The following SLC33A1 variants were observed in gnomAD, a reference collection of about 807,000 sequenced individuals.
SLC33A1 encodes the protein acetyl-coenzyme A transporter 1.
SLC33A1 carries 20 observed loss-of-function variants against 50.0 expected under a neutral mutation model. That is an observed-to-expected ratio of 0.40 (90% CI 0.28 to 0.58). SLC33A1 has a LOEUF of 0.58. Among genes scored for constraint, SLC33A1 ranks in the 20% least tolerant of loss-of-function variants. SLC33A1 has a pLI of 0.44. For missense variants in SLC33A1, 476 were observed against 657.0 expected, an observed-to-expected ratio of 0.72 and a Z score of 3.01; for synonymous variants, 265 against 251.8, an observed-to-expected ratio of 1.05 and a Z score of -0.50.
chr3:155,841,897 G>T (rs923994296), intron 2 of SLC33A1, among the ~76,000 whole-genome samples: 1 of 151,972 alleles, frequency 6.6e-6, no homozygotes, highest in East Asian at 1.9e-4. Context: ...AAAGGCACGT[G>T]CCACCATGAC....
At chr3:155,844,631 C>T (rs1753094992) in intron 1 of SLC33A1, 1 of 151,276 alleles carries the variant, frequency 6.6e-6, no homozygotes, top group Non-Finnish European at 1.5e-5. Context: ...CTTTACCCAG[C>T]TAATTTTTGT....
chr3:155,850,637 G>C (rs1753359919), intron 1 of SLC33A1, among the ~76,000 whole-genome samples: 1 of 148,534 alleles, frequency 6.7e-6, no homozygotes, highest in South Asian at 2.1e-4. Flanking sequence ...TTTTTTTTGA[G>C]ATGGAGCCTT....
intron 1 of SLC33A1, among the ~76,000 whole-genome samples, chr3:155,843,679 G>A (rs2107984496): frequency 6.8e-6 from 1 of 148,096 alleles, no homozygotes; most frequent in Admixed American, 6.6e-5. Flanking sequence ...TACTTCTACA[G>A]CCCAATAGAT....
Position 155,833,763 on chromosome 3 carries a change from CATATAT to C in SLC33A1, c.1148+88_1148+93del, listed in dbSNP as rs1353686388. ...AAAAGATGCTTTTCAAATCTTTTTC[CATATAT>C]ATAATTCTACGCTCAGATATTAGTG... is the stretch of plus-strand genomic sequence containing the variant. On this transcript the variant is annotated intron_variant, in intron 3 of 5. Coordinates refer to ENST00000643144, the MANE Select transcript of SLC33A1 (RefSeq NM_004733.4). The C allele has an allele frequency of 2.9e-5, 32 of 1,099,286 alleles. No individual in the cohort carries two copies. The Middle Eastern group carries it at 1.6e-3, about 54-fold the overall frequency. 68.1% of individuals were successfully genotyped at this position (1,099,286 alleles called of 1,614,324 possible). A position where few individuals can be genotyped will look rare whatever the true frequency, so the allele number is the denominator to read the frequency against.
chr3:155,849,889 C>T (rs1030606365), intron 1 of SLC33A1, among the ~76,000 whole-genome samples: 3 of 144,904 alleles, frequency 2.1e-5, no homozygotes, highest in Non-Finnish European at 4.5e-5. Context: ...CCCTGGGCGA[C>T]AGAGCGAGAC....
rs186410877 is a variant in SLC33A1, at chr3:155,830,408, A to G, written c.1267-505T>C. Among the ~76,000 whole-genome samples the G allele has an allele frequency of 5.3e-3, 809 of 151,716 alleles. 9 individuals are homozygous for G. Among genetic ancestry groups the G allele is most frequent in the African/African-American group, 0.019 (776 of 41,386 alleles). On this transcript the variant is annotated intron_variant, in intron 4 of 5. Coordinates refer to ENST00000643144, the MANE Select transcript of SLC33A1 (RefSeq NM_004733.4). ...AATAAATAAAAATAAATAAATAAAAAAAAAGATCCCAGCAATACAAAGATG... is the reference window on the plus strand; with the variant it reads ...AATAAATAAAAATAAATAAATAAAAGAAAAGATCCCAGCAATACAAAGATG...
At chr3:155,852,764 G>T (rs1188972678) in intron 1 of SLC33A1, among the ~76,000 whole-genome samples, 2 of 152,140 alleles carry the variant, frequency 1.3e-5, no homozygotes, top group African/African-American at 4.8e-5. Flanking sequence ...TTAGAATCCC[G>T]TCCCTTAGCT....
intron 1 of SLC33A1, among the ~76,000 whole-genome samples, chr3:155,852,261 C>A (rs1753427243): frequency 6.6e-6 from 1 of 151,972 alleles, no homozygotes; most frequent in South Asian, 2.1e-4. Context: ...AGTTCAAGAC[C>A]AGCCTGGCCA....
chr3:155,853,088 GGAC>G (rs1753466217), intron 1 of SLC33A1, 132 bp downstream of exon 1: 1 of 761,742 alleles, frequency 1.3e-6, no homozygotes, highest in African/African-American at 1.8e-5. Context: ...AAGCTCATTT[GGAC>G]GAAACAGAAA....
intron 1 of SLC33A1, chr3:155,843,065 C>T (rs1235670178): frequency 6.7e-6 from 1 of 150,100 alleles, no homozygotes; most frequent in Non-Finnish European, 1.5e-5. Context: ...AGGCATTGTA[C>T]CAGGCACAGC....
chr3:155,830,369 T>G (rs1442016261), intron 4 of SLC33A1, among the ~76,000 whole-genome samples: 1 of 150,506 alleles, frequency 6.6e-6, no homozygotes, highest in Non-Finnish European at 1.5e-5. Flanking sequence ...GGAGACTCAG[T>G]CTCAAAAAAA....
intron 2 of SLC33A1, among the ~76,000 whole-genome samples, 197 bp from the exon 3 acceptor site, chr3:155,834,238 A>G (rs895177782): frequency 2.0e-5 from 3 of 152,194 alleles, no homozygotes; most frequent in African/African-American, 7.2e-5. Context: ...AATAATATTA[A>G]GTGAAAACAA....
intron 1 of SLC33A1, among the ~76,000 whole-genome samples, chr3:155,846,639 G>A (rs936314271): frequency 3.3e-5 from 5 of 151,858 alleles, no homozygotes; most frequent in Admixed American, 1.3e-4. Flanking sequence ...TTTTAGTAGA[G>A]ACGGGGTTTC....
At chr3:155,849,909 GAATAATAATAATAATAATAATAATAAT>G (rs71138683) in intron 1 of SLC33A1, among the ~76,000 whole-genome samples, 1 of 134,000 alleles carries the variant, frequency 7.5e-6, no homozygotes, top group African/African-American at 2.7e-5. Flanking sequence ...CTCCATCTCA[GAATAATAATAATAATAATAATAATAAT>G]AATAATAATA....
chr3:155,849,399 G>T lies in SLC33A1; in HGVS notation c.775+3824C>A, dbSNP rs188726786. Reference sequence around the variant, plus strand: ...CTGGTTTTTCTTATCCTATTAATAAGTTCCAGAAAGAACAATGTTATAAAT... The same window carrying T: ...CTGGTTTTTCTTATCCTATTAATAATTTCCAGAAAGAACAATGTTATAAAT... On this transcript the variant is annotated intron_variant, in intron 1 of 5. Coordinates refer to ENST00000643144, the MANE Select transcript of SLC33A1 (RefSeq NM_004733.4). Among the ~76,000 whole-genome samples, 16 of 151,886 alleles carry T rather than the reference G, an allele frequency of 1.1e-4. No homozygotes were observed. The East Asian group carries it at 2.9e-3, about 27-fold the overall frequency.
intron 5 of SLC33A1, among the ~76,000 whole-genome samples, chr3:155,828,912 T>G (rs1377639019): frequency 6.6e-6 from 1 of 151,298 alleles, no homozygotes; most frequent in Admixed American, 6.6e-5. Context: ...TTTTTTTTTT[T>G]TTTTTTAAGA....
In SLC33A1 at chr3:155,827,958, T is replaced by C. The variant is rs1011503970; in HGVS notation, c.*252A>G. 3.1e-5 allele frequency: 13 copies of C among 413,716 alleles called. No homozygotes were observed. The highest frequency in any genetic ancestry group is 5.3e-5 in the Non-Finnish European group (12 of 227,094). 25.6% of individuals were successfully genotyped at this position (413,716 alleles called of 1,614,324 possible). On this transcript the variant is annotated 3_prime_UTR_variant, in exon 6 of 6. Transcript: ENST00000643144. ...GGTCAGTAAATTTAAAAGATATACA[T>C]CAAATAACAAGGCCAGAAAAGTTGT...
At chr3:155,843,337 C>T (rs924365915) in intron 1 of SLC33A1, among the ~76,000 whole-genome samples, 2 of 152,252 alleles carry the variant, frequency 1.3e-5, no homozygotes, top group Non-Finnish European at 1.5e-5. Context: ...TGATTATTTA[C>T]ATCAGATTTT....
chr3:155,830,034 C>G (rs1752348429), intron 4 of SLC33A1, 131 bp from the exon 5 acceptor site: 1 of 679,356 alleles, frequency 1.5e-6, no homozygotes, highest in East Asian at 2.7e-5. Context: ...TCAACAAATA[C>G]TTATCAAGCA....
Sources: gnomAD v4.1 joint callset for allele counts (sites outside exome capture counted in the v4.1 genomes callset) on GRCh38, gnomAD v4.1.1 for gene constraint, MANE v1.5 for transcripts, NCBI Gene and HGNC (gene_info 2026-07-23, HGNC 2026-07-21) for gene names.